Variants in PPARGC1A observed in about 807,000 individuals in gnomAD.
PPARGC1A encodes the protein PPARG coactivator 1 alpha.
In PPARGC1A, 25 loss-of-function variants were observed where a neutral mutation model predicts 88.7. That is an observed-to-expected ratio of 0.28 (90% confidence interval 0.21 to 0.39). The LOEUF (loss-of-function observed/expected upper bound fraction) is 0.39, where lower values mean the gene tolerates loss of function less well. Among genes scored for constraint, PPARGC1A ranks in the 10% least tolerant of loss-of-function variants. The pLI, the probability that PPARGC1A is intolerant of heterozygous loss-of-function variation, is 1.00. For missense variants in PPARGC1A, 880 were observed against 968.7 expected (o/e 0.91, Z 1.22); for synonymous variants, 363 against 355.6 (o/e 1.02, Z -0.24).
the PPARGC1A span, among the ~76,000 whole-genome samples, chr4:24,178,393 G>A: frequency 2.0e-4 from 30 of 152,110 alleles, 1 homozygote; most frequent in East Asian, 2.3e-3. Flanking sequence ...TTTTATTAGC[G>A]TTACTCAAAT....
chr4:24,269,896 C>T, the PPARGC1A span, among the ~76,000 whole-genome samples: 3 of 152,124 alleles, frequency 2.0e-5, no homozygotes, highest in South Asian at 6.2e-4. Flanking sequence ...CTAAAATGGA[C>T]ATAATAGAAC....
the PPARGC1A span, among the ~76,000 whole-genome samples, chr4:24,187,059 G>C: frequency 6.6e-6 from 1 of 152,148 alleles, no homozygotes; most frequent in Non-Finnish European, 1.5e-5. Flanking sequence ...GGGACTTCTA[G>C]CTTTTCAGGT....
At chr4:23,950,759 T>C in the PPARGC1A span, among the ~76,000 whole-genome samples, 3 of 152,152 alleles carry the variant, frequency 2.0e-5, no homozygotes, top group Non-Finnish European at 2.9e-5. Context: ...TTACACTTCA[T>C]GTAAAACATA....
chr4:24,290,402 T>A, the PPARGC1A span, among the ~76,000 whole-genome samples: 1 of 152,166 alleles, frequency 6.6e-6, no homozygotes, highest in African/African-American at 2.4e-5. Context: ...TCAGTGAATA[T>A]CCTGCAAAGC....
Position 23,814,612 on chromosome 4 carries a change from C to G in PPARGC1A, c.878-7G>C, listed in dbSNP as rs1359566454. On this transcript the variant is annotated splice_region_variant and splice_polypyrimidine_tract_variant and intron_variant, in intron 7 of 12. Transcript: ENST00000264867. The stretch of plus-strand genomic sequence containing the variant: ...GTGGTGGGTGGAGTTAGGCCTAAGG[C>G]AAAAATTAAAAAAAAAAAAAAAAAG... 1 of 1,199,704 alleles carries G rather than the reference C, an allele frequency of 8.3e-7. No homozygotes were observed. The highest frequency in any genetic ancestry group is 4.0e-5 in the Admixed American group (1 of 24,830). The allele number at this position is 1,199,704 out of a possible 1,614,324, so 74.3% of individuals were successfully genotyped here.
At chr4:24,087,901 A>G in the PPARGC1A span, among the ~76,000 whole-genome samples, 1 of 152,362 alleles carries the variant, frequency 6.6e-6, no homozygotes, top group Middle Eastern at 3.4e-3. Flanking sequence ...TCCAATTAAA[A>G]TACATTCTGT....
chr4:24,003,907 T>C, the PPARGC1A span, among the ~76,000 whole-genome samples: 2 of 152,042 alleles, frequency 1.3e-5, no homozygotes, highest in South Asian at 4.2e-4. Context: ...AAAGTCCTTT[T>C]GAAGAAAAAA....
chr4:23,828,543 C>T lies in PPARGC1A; in HGVS notation c.614G>A (p.Arg205His), dbSNP rs778691403. ...ATATTTGAGAAGCTCCGAGCAGGGA[C>T]GTCTTTGTGGCTTTTGCTGTTGACA... is the stretch of plus-strand genomic sequence containing the variant. Reference protein sequence around the residue: ...SICQQQKPQRRPCSELLKYLT... With the variant: ...SICQQQKPQRHPCSELLKYLT... Residue 205 changes from arginine (R) to histidine (H), a missense_variant, in exon 5 of 13, where the codon CGT becomes CAT. Transcript: ENST00000264867. 3 of 1,613,976 alleles carry T rather than the reference C, an allele frequency of 1.9e-6. No individual in the cohort carries two copies. Among genetic ancestry groups the T allele is most frequent in the Non-Finnish European group, 2.5e-6 (3 of 1,179,994 alleles).
At chr4:23,848,805 G>A (rs915579386) in intron 2 of PPARGC1A, among the ~76,000 whole-genome samples, 18 of 151,992 alleles carry the variant, frequency 1.2e-4, no homozygotes, top group Admixed American at 1.0e-3. Context: ...TTACAATTCT[G>A]TCATATACAG....
chr4:24,418,458 G>A, the PPARGC1A span, among the ~76,000 whole-genome samples: 2 of 152,028 alleles, frequency 1.3e-5, no homozygotes, highest in African/African-American at 4.8e-5. Context: ...AGGTCCTGGA[G>A]ATGCAATGAG....
the PPARGC1A span, among the ~76,000 whole-genome samples, chr4:24,456,749 G>A: frequency 2.0e-5 from 3 of 151,898 alleles, no homozygotes; most frequent in East Asian, 3.9e-4. Flanking sequence ...TGGAAAAAGG[G>A]AGAGTAGGGG....
At chr4:23,973,882 C>T in the PPARGC1A span, among the ~76,000 whole-genome samples, 22 of 151,980 alleles carry the variant, frequency 1.4e-4, no homozygotes, top group African/African-American at 5.1e-4. Flanking sequence ...ATCACCAAGT[C>T]ATACAAAGGG....
the PPARGC1A span, among the ~76,000 whole-genome samples, chr4:24,440,944 G>A: frequency 6.6e-6 from 1 of 152,184 alleles, no homozygotes; most frequent in East Asian, 1.9e-4. Flanking sequence ...CATCACTGAT[G>A]CAGCATGTCT....
the PPARGC1A span, among the ~76,000 whole-genome samples, chr4:23,938,707 T>G: frequency 6.6e-6 from 1 of 152,094 alleles, no homozygotes; most frequent in African/African-American, 2.4e-5. Flanking sequence ...AGGGATCACA[T>G]AGAGAAAACA....
intron 5 of PPARGC1A, among the ~76,000 whole-genome samples, chr4:23,826,963 G>T (rs968911129): frequency 6.6e-6 from 1 of 152,112 alleles, no homozygotes; most frequent in African/African-American, 2.4e-5. Flanking sequence ...ACCAGCACAG[G>T]GTGAGGAGTA....
intron 3 of PPARGC1A, among the ~76,000 whole-genome samples, chr4:23,830,196 T>A (rs1028215601): frequency 6.6e-6 from 1 of 152,182 alleles, no homozygotes; most frequent in Non-Finnish European, 1.5e-5. Context: ...AAATTACTGA[T>A]TCAAAGAATG....
the PPARGC1A span, among the ~76,000 whole-genome samples, chr4:23,999,515 TG>T: frequency 6.6e-6 from 1 of 152,124 alleles, no homozygotes. Flanking sequence ...GTTGATTTTT[TG>T]TTGTTGTTGT....
chr4:24,394,498 TG>T, the PPARGC1A span, among the ~76,000 whole-genome samples: 1 of 152,214 alleles, frequency 6.6e-6, no homozygotes, highest in East Asian at 1.9e-4. Flanking sequence ...AAGAAAACGC[TG>T]GTTGTGGTAC....
chr4:23,801,351 AAC>A (rs576825008), intron 12 of PPARGC1A, among the ~76,000 whole-genome samples: 7 of 151,870 alleles, frequency 4.6e-5, no homozygotes, highest in East Asian at 1.9e-4. Context: ...ATATTCACAC[AAC>A]ACACACAGAC....
Sources: gnomAD v4.1 joint callset for allele counts (sites outside exome capture counted in the v4.1 genomes callset) on GRCh38, gnomAD v4.1.1 for gene constraint, MANE v1.5 for transcripts, NCBI Gene and HGNC (gene_info 2026-07-23, HGNC 2026-07-21) for gene names.